Variants in CST9L observed in about 807,000 individuals in gnomAD.
CST9L encodes cystatin 9 like.
In CST9L, 17 loss-of-function variants were observed where a neutral mutation model predicts 13.2. The ratio of observed to expected loss-of-function variants is 1.29; its 90% CI spans 0.88 to 1.93. The LOEUF is 1.93. CST9L is among the 30% of genes most tolerant of loss of function. The pLI is 0.00. For synonymous variants in CST9L, 78 were observed against 69.1 expected (o/e 1.13, Z -0.64); for missense variants, 170 against 170.5 (o/e 1.00, Z 0.02).
intron 1 of CST9L, among the ~76,000 whole-genome samples, chr20:23,567,132 T>C (rs1276151288): frequency 6.6e-6 from 1 of 152,096 alleles, no homozygotes; most frequent in Non-Finnish European, 1.5e-5. Context: ...TGAAGCTTGG[T>C]GCAGGGTTGG....
intron 2 of CST9L, 31 bp downstream of exon 2, chr20:23,565,943 A>G: frequency 8.4e-7 from 1 of 1,187,718 alleles, no homozygotes; most frequent in East Asian, 2.3e-5. Context: ...CCACAGCTGT[A>G]TCCAGGAGGG....
chr20:23,564,754 A>T lies in CST9L; in HGVS notation c.*194T>A, dbSNP rs1989066330. Reference sequence around the variant, plus strand: ...AAGTTTCTTAAAATGCTGATGTTTAATGATCTACACTACATGATTAGGCTC... The same window carrying T: ...AAGTTTCTTAAAATGCTGATGTTTATTGATCTACACTACATGATTAGGCTC... On this transcript the variant is annotated 3_prime_UTR_variant, in exon 3 of 3. Coordinates refer to ENST00000376979, the MANE Select transcript of CST9L (RefSeq NM_080610.3). The T allele has an allele frequency of 1.8e-6, 1 of 552,860 alleles. No individual in the cohort carries two copies. The highest frequency in any genetic ancestry group is 3.1e-5 in the Admixed American group (1 of 32,312). The allele number at this position is 552,860 out of a possible 1,614,324, so 34.2% of individuals were successfully genotyped here.
At position 23,568,278 on chromosome 20, in the gene CST9L, A is replaced by G. The variant is rs1358456754; in HGVS notation, c.173T>C (p.Phe58Ser). The G allele has an allele frequency of 6.2e-7, 1 of 1,614,034 alleles. No homozygotes were observed. Residue 58 changes from phenylalanine (F) to serine (S), a missense_variant, in exon 1 of 3, where the codon TTC becomes TCC. Physicochemically the swap from Phe to Ser is radical, Grantham distance 155. Transcript: ENST00000376979. Reference protein sequence around the residue: ...PATVEFAVHTFNQQSKDYYAY... With the variant: ...PATVEFAVHTSNQQSKDYYAY... ...ATAGTAGTCCTTGCTCTGTTGGTTG[A>G]ATGTGTGGACAGCAAACTCCACTGT...
chr20:23,565,094 G>T, intron 2 of CST9L, 57 bp from the exon 3 acceptor site: 1 of 1,238,088 alleles, frequency 8.1e-7, no homozygotes, highest in Non-Finnish European at 1.2e-6. Flanking sequence ...GAAGCTCATG[G>T]CTCAAGCTCT....
chr20:23,565,087 G>T, intron 2 of CST9L, 50 bp from the exon 3 acceptor site: 1 of 1,304,026 alleles, frequency 7.7e-7, no homozygotes, highest in Non-Finnish European at 1.1e-6. Flanking sequence ...GGCTCAGGAA[G>T]CTCATGGCTC....
At position 23,568,201 on chromosome 20, in the gene CST9L, G is replaced by T; in HGVS notation, c.240+10C>A. 4 of 1,613,992 alleles carry T rather than the reference G, an allele frequency of 2.5e-6. No individual in the cohort carries two copies. Among genetic ancestry groups the T allele is most frequent in the Non-Finnish European group, 3.4e-6 (4 of 1,179,974 alleles). The stretch of plus-strand genomic sequence containing the variant: ...CAGATGCCAGGGCAGGAGGGTACGT[G>T]GTCACCAACCTGCTCCTTCCAGGAA... On this transcript the variant is annotated intron_variant, in intron 1 of 2. Coordinates refer to ENST00000376979, the MANE Select transcript of CST9L (RefSeq NM_080610.3).
intron 1 of CST9L, among the ~76,000 whole-genome samples, chr20:23,567,650 TGAGG>T (rs1989116475): frequency 6.6e-6 from 1 of 152,128 alleles, no homozygotes; most frequent in African/African-American, 2.4e-5. Context: ...ACCTGTGGTC[TGAGG>T]AAGAGTGTGA....
chr20:23,566,128 G>C (rs760025948), intron 1 of CST9L, 41 bp from the exon 2 acceptor site: 2 of 1,122,690 alleles, frequency 1.8e-6, no homozygotes, highest in Admixed American at 1.7e-5. Flanking sequence ...CACCCTCCTT[G>C]TTGCCCCTAA....
chr20:23,567,838 A>G (rs1033650932), intron 1 of CST9L, among the ~76,000 whole-genome samples: 3 of 151,380 alleles, frequency 2.0e-5, no homozygotes, highest in African/African-American at 7.3e-5. Context: ...TCTCTTTTTT[A>G]TTACATTTTT....
At position 23,568,424 on chromosome 20, in the gene CST9L, A is replaced by C. The variant is rs1282581784; in HGVS notation, c.27T>G (p.Gly9=). 1 of 1,613,576 alleles carries C rather than the reference A, an allele frequency of 6.2e-7. No individual in the cohort carries two copies. Among genetic ancestry groups the C allele is most frequent in the Non-Finnish European group, 8.5e-7 (1 of 1,179,882 alleles). MLGLPWKG[G]LSWALLLLLL... ...GAAGCAGCAGCAGCGCCCAGGACAG[A>C]CCTCCCTTCCACGGCAGGCCCAGCA... Residue 9 remains glycine (G), a synonymous_variant, in exon 1 of 3, where the codon GGT becomes GGG. Transcript: ENST00000376979.
intron 1 of CST9L, among the ~76,000 whole-genome samples, chr20:23,566,927 T>A (rs774474367): frequency 1.2e-4 from 18 of 152,136 alleles, no homozygotes; most frequent in Non-Finnish European, 2.2e-4. Context: ...TCTGCCCTAT[T>A]GCAAAGTGCA....
In CST9L at chr20:23,564,969, G is replaced by A. The variant is rs539160143; in HGVS notation, c.423C>T (p.Thr141=). The A allele has an allele frequency of 6.2e-7, 1 of 1,613,522 alleles. No individual in the cohort carries two copies. The highest frequency in any genetic ancestry group is 1.3e-5 in the African/African-American group (1 of 75,034). Reference sequence around the variant, plus strand: ...TCACTCAGTGGAATCCCTCCAAGCAGGTCTTGTTCAGGAGGCTGAACTGAG... The same window carrying A: ...TCACTCAGTGGAATCCCTCCAAGCAAGTCTTGTTCAGGAGGCTGAACTGAG... The part of the protein sequence containing the change: ...WMTQFSLLNK[T]CLEGFH The change falls in exon 3 of 3, where the codon ACC becomes ACT. Residue 141 remains threonine, a synonymous_variant. Coordinates refer to ENST00000376979, the MANE Select transcript of CST9L (RefSeq NM_080610.3).
In CST9L at chr20:23,566,086, A is replaced by G. The variant is rs1408460553; in HGVS notation, c.242T>C (p.Val81Ala). The change falls in exon 2 of 3, where the codon GTG becomes GCG. Residue 81 changes from valine to alanine, a missense_variant and splice_region_variant. Transcript: ENST00000376979. ...CATTGAGAATACAGTCTTGGACTCC[A>G]CCTATTGCACACAGAGAGATTAATG... ...GHILNSWKEQ[V>A]ESKTVFSMEL... 3.3e-6 allele frequency: 5 copies of G among 1,523,498 alleles called. No individual in the cohort carries two copies. Among genetic ancestry groups the G allele is most frequent in the Admixed American group, 1.7e-5 (1 of 59,928 alleles). The allele number at this position is 1,523,498 out of a possible 1,614,324, so 94.4% of individuals were successfully genotyped here. A position where few individuals can be genotyped will look rare whatever the true frequency, so the allele number is the denominator to read the frequency against.
intron 2 of CST9L, 43 bp from the exon 3 acceptor site, chr20:23,565,080 T>A (rs375087614): frequency 1.5e-6 from 2 of 1,377,940 alleles, no homozygotes; most frequent in Non-Finnish European, 2.1e-6. Flanking sequence ...TGAGGGAGGC[T>A]CAGGAAGCTC....
intron 1 of CST9L, among the ~76,000 whole-genome samples, chr20:23,567,496 A>G (rs1989113763): frequency 7.7e-6 from 1 of 130,516 alleles, no homozygotes; most frequent in Admixed American, 8.6e-5. Context: ...TGACAGAGCA[A>G]GATTCCATCT....
At chr20:23,565,725 C>T (rs2295562) in intron 2 of CST9L, among the ~76,000 whole-genome samples, 54,421 of 152,106 alleles carry the variant, frequency 0.36, 10,420 homozygotes, top group East Asian at 0.56. Flanking sequence ...GCCATGTGCC[C>T]TGGGTGCAGG....
At chr20:23,565,173 T>A in intron 2 of CST9L, 136 bp from the exon 3 acceptor site, 1 of 686,484 alleles carries the variant, frequency 1.5e-6, no homozygotes, top group Non-Finnish European at 2.6e-6. Flanking sequence ...CCTCTGGCTA[T>A]CATGTGCTGC....
intron 2 of CST9L, among the ~76,000 whole-genome samples, 193 bp downstream of exon 2, chr20:23,565,781 C>T (rs73312613): frequency 0.01 from 1,562 of 152,276 alleles, 9 homozygotes; most frequent in Middle Eastern, 0.041. Context: ...CTCAGATTGG[C>T]CAGGAGCCTG....
At chr20:23,566,777 G>T (rs148858668) in intron 1 of CST9L, among the ~76,000 whole-genome samples, 2 of 152,022 alleles carry the variant, frequency 1.3e-5, no homozygotes, top group African/African-American at 2.4e-5. Context: ...CCAGCTACTC[G>T]GGAGGGAGGC....
Sources: gnomAD v4.1 joint callset for allele counts (sites outside exome capture counted in the v4.1 genomes callset) on GRCh38, gnomAD v4.1.1 for gene constraint, MANE v1.5 for transcripts, NCBI Gene and HGNC (gene_info 2026-07-23, HGNC 2026-07-21) for gene names.